PCDHA8: variants seen among roughly 807,000 people sequenced by gnomAD.
The protein encoded by PCDHA8 is protocadherin alpha 8, also known as protocadherin alpha-8.
PCDHA8 carries 53 observed loss-of-function variants against 61.8 expected under a neutral mutation model. That is an observed-to-expected ratio of 0.86 (90% CI 0.69 to 1.08). PCDHA8 has a LOEUF of 1.08. Among genes scored for constraint, PCDHA8 ranks in the 50% least tolerant of loss-of-function variants. PCDHA8 has a pLI of 0.00. For missense variants in PCDHA8, 1,293 were observed against 1,245.0 expected (o/e 1.04, Z -0.58); for synonymous variants, 618 against 556.6 (o/e 1.11, Z -1.55).
At chr5:140,922,316 A>G (rs983729529) in intron 1 of PCDHA8, among the ~76,000 whole-genome samples, 5 of 152,248 alleles carry the variant, frequency 3.3e-5, no homozygotes, top group Middle Eastern at 3.2e-3. Context: ...TTCACTGAAG[A>G]TCTTGGAAAG....
At chr5:140,856,381 G>T in intron 1 of PCDHA8, 2 of 1,598,516 alleles carry the variant, frequency 1.3e-6, no homozygotes, top group South Asian at 1.1e-5. Context: ...TCGTGGACAG[G>T]CCGCTGCAGG....
chr5:140,999,217 A>G (rs2097851437), intron 3 of PCDHA8, among the ~76,000 whole-genome samples: 1 of 152,232 alleles, frequency 6.6e-6, no homozygotes, highest in Non-Finnish European at 1.5e-5. Context: ...TGGAAGTACT[A>G]CATTTGAGAA....
chr5:140,857,383 C>T (rs781834606), intron 1 of PCDHA8: 2 of 1,598,150 alleles, frequency 1.3e-6, no homozygotes, highest in Admixed American at 1.7e-5. Context: ...TGGAGGTGGC[C>T]GACGTGAACG....
At chr5:140,894,505 C>T (rs1054272448) in intron 1 of PCDHA8, among the ~76,000 whole-genome samples, 9 of 151,570 alleles carry the variant, frequency 5.9e-5, no homozygotes, top group Non-Finnish European at 2.9e-5. Context: ...AGGCATTATC[C>T]ATAGTGTTTA....
rs565233003 is a variant in PCDHA8 at position 140,851,830 on chromosome 5, T to C, written c.2394+8115T>C. 1.2e-5 allele frequency: 12 copies of C among 967,780 alleles called. No homozygotes were observed. In the African/African-American group the frequency reaches 2.1e-4, roughly 17 times the overall value. The allele number at this position is 967,780 out of a possible 1,614,324, so 59.9% of individuals were successfully genotyped here. On this transcript the variant is annotated intron_variant, in intron 1 of 3. Coordinates refer to ENST00000531613, the MANE Select transcript of PCDHA8 (RefSeq NM_018911.3). ...TCCATAAGACAGAAATCTGTTTTTT[T>C]AAAAATATCTTTTTCTCCTCTCAGC...
chr5:140,867,971 C>T (rs1230179778), intron 1 of PCDHA8: 1 of 152,032 alleles, frequency 6.6e-6, no homozygotes, highest in African/African-American at 2.4e-5. Flanking sequence ...ATTCTTTCAA[C>T]AAGAAACAAA....
chr5:140,961,400 C>T (rs929653995), intron 1 of PCDHA8, among the ~76,000 whole-genome samples: 10 of 152,186 alleles, frequency 6.6e-5, no homozygotes, highest in African/African-American at 2.4e-4. Context: ...TTAGTAAACA[C>T]TTTTTGGCAT....
intron 1 of PCDHA8, chr5:140,870,913 G>C (rs933995054): frequency 2.5e-6 from 4 of 1,613,936 alleles, no homozygotes; most frequent in Non-Finnish European, 3.4e-6. Context: ...AGGCTACAAC[G>C]CGTGGCTTTC....
At chr5:140,897,412 C>T (rs1304528785) in intron 1 of PCDHA8, among the ~76,000 whole-genome samples, 1 of 143,354 alleles carries the variant, frequency 7.0e-6, no homozygotes, top group Non-Finnish European at 1.5e-5. Context: ...TTGTTCAATT[C>T]CCATCTATGA....
In PCDHA8 at chr5:140,978,698, A is replaced by C. The variant is rs150194035; in HGVS notation, c.2395-251A>C. 1.4e-3 allele frequency among the ~76,000 whole-genome samples: 215 copies of C among 152,372 alleles called. 5 individuals carry two copies. In the South Asian group the frequency reaches 0.033, roughly 23 times the overall value. ...ACATGTATTGGGCAAGGCAAAGCCA[A>C]AGGTGGCCTTTACAAGATTATTAAA... is the stretch of plus-strand genomic sequence containing the variant. On this transcript the variant is annotated intron_variant, in intron 1 of 3. Transcript: ENST00000531613.
chr5:140,931,579 A>G (rs1464146269), intron 1 of PCDHA8, among the ~76,000 whole-genome samples: 2 of 152,102 alleles, frequency 1.3e-5, no homozygotes, highest in Non-Finnish European at 2.9e-5. Flanking sequence ...CCATTCATTC[A>G]GTTGAACAGT....
chr5:140,841,926 G>C lies in PCDHA8; in HGVS notation c.605G>C (p.Arg202Thr), dbSNP rs1490008187. Residue 202 changes from arginine (R) to threonine (T), a missense_variant, in exon 1 of 4, where the codon AGA (arginine) becomes ACA (threonine). Coordinates refer to ENST00000531613, the MANE Select transcript of PCDHA8 (RefSeq NM_018911.3). ...VELVLRKSLD[R>T]EDAPAHHLFL... ...CTCGTATTAAGAAAATCCTTGGACA[G>C]AGAGGACGCTCCTGCGCACCACTTA... 6.2e-7 allele frequency: 1 copy of C among 1,613,806 alleles called. No homozygotes were observed. Among genetic ancestry groups the C allele is most frequent in the African/African-American group, 1.3e-5 (1 of 74,878 alleles).
At chr5:141,004,378 G>A (rs914260481) in intron 3 of PCDHA8, among the ~76,000 whole-genome samples, 3 of 152,198 alleles carry the variant, frequency 2.0e-5, no homozygotes, top group Admixed American at 6.5e-5. Context: ...TCTGCTCTGC[G>A]GAAGCTGGAC....
chr5:140,926,713 C>T (rs1018008271), intron 1 of PCDHA8: 2 of 944,684 alleles, frequency 2.1e-6, no homozygotes, highest in Non-Finnish European at 2.9e-6. Context: ...CTGGCCAGCC[C>T]CGGCAATGCC....
intron 1 of PCDHA8, among the ~76,000 whole-genome samples, chr5:140,894,725 G>A (rs3776121): frequency 0.31 from 47,403 of 151,506 alleles, 8,352 homozygotes; most frequent in East Asian, 0.53. Context: ...CAAATATTAC[G>A]TAGCAATTTG....
chr5:140,887,941 A>C (rs529131971), intron 1 of PCDHA8, among the ~76,000 whole-genome samples: 25 of 152,194 alleles, frequency 1.6e-4, no homozygotes, highest in Admixed American at 7.8e-4. Flanking sequence ...TTTATTTCTT[A>C]TCTGTATAAG....
At position 140,848,447 on chromosome 5, in the gene PCDHA8, CT is replaced by C; in HGVS notation, c.2394+4733del. On this transcript the variant is annotated intron_variant, in intron 1 of 3. Transcript: ENST00000531613. ...GACTGACGAAATCAGATGATTTCTT[CT>C]AATTTGGAGGCAATTTTCACTAATT... The C allele has an allele frequency of 2.7e-6, 4 of 1,507,352 alleles. 1 individual carries two copies. The highest frequency in any genetic ancestry group is 9.0e-7 in the Non-Finnish European group (1 of 1,107,456). 93.4% of individuals were successfully genotyped at this position (1,507,352 alleles called of 1,614,324 possible).
intron 1 of PCDHA8, among the ~76,000 whole-genome samples, chr5:140,935,686 C>T (rs943427521): frequency 3.3e-5 from 5 of 152,108 alleles, no homozygotes; most frequent in Non-Finnish European, 7.4e-5. Flanking sequence ...ATTTACATGG[C>T]TCCAAAATAA....
Position 140,842,934 on chromosome 5 carries a change from G to A in PCDHA8, c.1613G>A (p.Arg538His), listed in dbSNP as rs2150348030. The A allele has an allele frequency of 1.9e-6, 3 of 1,594,530 alleles. No homozygotes were observed. Among genetic ancestry groups the A allele is most frequent in the Non-Finnish European group, 2.6e-6 (3 of 1,165,462 alleles). The change falls in exon 1 of 4, where the codon CGC (arginine) becomes CAC (histidine). Residue 538 changes from arginine (R) to histidine (H), a missense_variant. By Grantham distance (29) the Arg-to-His change is conservative. Transcript: ENST00000531613. ...LELLQFQVSA[R>H]DAGVPPLGSN... ...CTGCTGCAGTTCCAGGTGAGCGCGC[G>A]CGACGCGGGCGTGCCGCCTCTGGGC...
Sources: allele counts gnomAD v4.1 joint callset (sites outside exome capture counted in the v4.1 genomes callset), GRCh38; gene constraint gnomAD v4.1.1; transcripts MANE v1.5; gene names NCBI Gene and HGNC (gene_info 2026-07-23, HGNC 2026-07-21).